TMEM132B: variants seen among roughly 807,000 people sequenced by gnomAD.
TMEM132B encodes the protein transmembrane protein 132B.
Under a neutral mutation model 90.8 loss-of-function variants are expected in TMEM132B, and 18 were observed. That is an observed-to-expected ratio of 0.20 (90% CI 0.14 to 0.29). The LOEUF (loss-of-function observed/expected upper bound fraction) is 0.29, where lower values mean the gene tolerates loss of function less well. Among genes scored for constraint, TMEM132B ranks in the 10% least tolerant of loss-of-function variants. TMEM132B has a pLI of 1.00. For synonymous variants in TMEM132B, 504 were observed against 523.3 expected, an observed-to-expected ratio of 0.96 and a Z score of 0.50; for missense variants, 1,096 against 1,326.8, an observed-to-expected ratio of 0.83 and a Z score of 2.70.
intron 2 of TMEM132B, among the ~76,000 whole-genome samples, chr12:125,384,571 A>G (rs977846499): frequency 6.6e-6 from 1 of 152,236 alleles, no homozygotes; most frequent in African/African-American, 2.4e-5. Flanking sequence ...ATTTTGAAGC[A>G]TATAATGCAT....
At chr12:125,636,068 C>T (rs1886472067) in intron 5 of TMEM132B, among the ~76,000 whole-genome samples, 1 of 152,162 alleles carries the variant, frequency 6.6e-6, no homozygotes, top group African/African-American at 2.4e-5. Context: ...TTTTCTACCT[C>T]TTCAGTGCCT....
chr12:125,295,538 G>GAGAGAGAC (rs1445138028), intron 1 of TMEM132B, among the ~76,000 whole-genome samples: 9 of 148,942 alleles, frequency 6.0e-5, no homozygotes, highest in Admixed American at 1.3e-4. Context: ...GAGAGAGAGA[G>GAGAGAGAC]AGAGACAGAG....
At chr12:125,422,554 C>A (rs964695456) in intron 3 of TMEM132B, among the ~76,000 whole-genome samples, 2 of 152,174 alleles carry the variant, frequency 1.3e-5, no homozygotes, top group Admixed American at 1.3e-4. Flanking sequence ...GTCCTCCTCC[C>A]CAGAACTTGT....
chr12:125,563,600 A>AACAAACAAAC (rs1555258803), intron 4 of TMEM132B, among the ~76,000 whole-genome samples: 73 of 126,262 alleles, frequency 5.8e-4, no homozygotes, highest in Admixed American at 1.1e-3. Context: ...CAAACAAACA[A>AACAAACAAAC]AAAAAAACCC....
chr12:125,447,973 A>G (rs1306819349), intron 3 of TMEM132B, among the ~76,000 whole-genome samples: 1 of 152,218 alleles, frequency 6.6e-6, no homozygotes, highest in Non-Finnish European at 1.5e-5. Flanking sequence ...TCCATTTAAA[A>G]TGTACATTTT....
intron 5 of TMEM132B, among the ~76,000 whole-genome samples, chr12:125,621,839 T>C (rs993185566): frequency 5.9e-5 from 9 of 152,316 alleles, no homozygotes; most frequent in African/African-American, 2.2e-4. Context: ...CATCATGCTA[T>C]ACATATCAGG....
rs58083131 is a variant in TMEM132B, at chr12:125,560,831, C to CAAAAAAAAAAA, written c.1294-23001_1294-22991dup. Among the ~76,000 whole-genome samples, 36 of 29,258 alleles carry CAAAAAAAAAAA rather than the reference C, an allele frequency of 1.2e-3. 8 individuals are homozygous for CAAAAAAAAAAA. Among genetic ancestry groups the CAAAAAAAAAAA allele is most frequent in the African/African-American group, 3.9e-3 (21 of 5,402 alleles). 19.2% of individuals were successfully genotyped at this position (29,258 alleles called of 152,430 possible). On this transcript the variant is annotated intron_variant, in intron 4 of 8. Coordinates refer to ENST00000682704, the MANE Select transcript of TMEM132B (RefSeq NM_001366854.1). ...TGGGTGACAGAGCGAGACTCTGTCT[C>CAAAAAAAAAAA]AAAAAAAAAAAAAAAAAAAAAAAAA...
At chr12:125,483,411 A>C (rs1882111029) in intron 3 of TMEM132B, among the ~76,000 whole-genome samples, 1 of 152,202 alleles carries the variant, frequency 6.6e-6, no homozygotes, top group Non-Finnish European at 1.5e-5. Context: ...GGATTAACCA[A>C]CTATGGGTCA....
At chr12:125,359,818 G>A (rs941636610) in intron 2 of TMEM132B, among the ~76,000 whole-genome samples, 8 of 152,294 alleles carry the variant, frequency 5.3e-5, no homozygotes, top group East Asian at 1.9e-4. Flanking sequence ...AGTGGTTCAC[G>A]CCTGTAATCC....
chr12:125,311,538 G>C (rs2136177480), intron 1 of TMEM132B, among the ~76,000 whole-genome samples: 1 of 152,158 alleles, frequency 6.6e-6, no homozygotes, highest in African/African-American at 2.4e-5. Context: ...CAGGGTTCTG[G>C]CCCATCTTCT....
chr12:125,302,477 C>G (rs1216269182), intron 1 of TMEM132B, among the ~76,000 whole-genome samples: 3 of 152,020 alleles, frequency 2.0e-5, no homozygotes, highest in Non-Finnish European at 4.4e-5. Context: ...CTCTAAGCCA[C>G]TGAGTTTTGG....
chr12:125,382,255 GTTC>G (rs1878708997), intron 2 of TMEM132B, among the ~76,000 whole-genome samples: 1 of 152,178 alleles, frequency 6.6e-6, no homozygotes, highest in African/African-American at 2.4e-5. Context: ...GTAGGATATG[GTTC>G]TTCTTTTCTT....
intron 1 of TMEM132B, among the ~76,000 whole-genome samples, chr12:125,312,314 C>T (rs771623172): frequency 7.2e-5 from 11 of 152,252 alleles, no homozygotes; most frequent in Non-Finnish European, 1.2e-4. Flanking sequence ...AGCTGCCTCG[C>T]ATGTCCTTTT....
At chr12:125,642,925 G>A (rs979588) in intron 5 of TMEM132B, among the ~76,000 whole-genome samples, 81,174 of 151,954 alleles carry the variant, frequency 0.53, 23,832 homozygotes, top group African/African-American at 0.79. Context: ...AAGCACATTC[G>A]TATTAGTGCC....
chr12:125,373,154 G>A lies in TMEM132B; in HGVS notation c.959+22811G>A, dbSNP rs541703520. On this transcript the variant is annotated intron_variant, in intron 2 of 8. Coordinates refer to ENST00000682704, the MANE Select transcript of TMEM132B (RefSeq NM_001366854.1). ...ACAAGGTCAGCTCCATGCGGGCAGG[G>A]ACATGTATCACCAGTGCCAAGAACT... Among the ~76,000 whole-genome samples the A allele has an allele frequency of 3.3e-4, 50 of 152,296 alleles. 1 individual carries two copies. The highest frequency in any genetic ancestry group is 1.1e-3 in the African/African-American group (44 of 41,554).
chr12:125,422,715 C>T (rs911676649), intron 3 of TMEM132B, among the ~76,000 whole-genome samples: 1 of 152,152 alleles, frequency 6.6e-6, no homozygotes, highest in African/African-American at 2.4e-5. Flanking sequence ...CACGTGGTGA[C>T]AGAGACAGGG....
intron 4 of TMEM132B, among the ~76,000 whole-genome samples, chr12:125,521,621 T>A (rs907027662): frequency 6.6e-6 from 1 of 151,794 alleles, no homozygotes; most frequent in Non-Finnish European, 1.5e-5. Context: ...GGCCAGAGGG[T>A]GAGGGTGGAG....
chr12:125,358,038 T>C (rs1012987623), intron 2 of TMEM132B, among the ~76,000 whole-genome samples: 2 of 152,226 alleles, frequency 1.3e-5, no homozygotes, highest in African/African-American at 4.8e-5. Context: ...AAGTGTTTTG[T>C]GGTCGCCTAT....
intron 4 of TMEM132B, among the ~76,000 whole-genome samples, chr12:125,540,302 T>A (rs746843617): frequency 2.0e-5 from 3 of 152,234 alleles, no homozygotes; most frequent in Non-Finnish European, 4.4e-5. Flanking sequence ...AGTGGATTAT[T>A]CTATAAATGT....
Sources: allele counts gnomAD v4.1 joint callset (sites outside exome capture counted in the v4.1 genomes callset), GRCh38; gene constraint gnomAD v4.1.1; transcripts MANE v1.5; gene names NCBI Gene and HGNC (gene_info 2026-07-23, HGNC 2026-07-21).